Variants in C1QTNF1 observed in about 807,000 individuals in gnomAD.
C1QTNF1 encodes C1q and TNF related 1, also known as complement C1q tumor necrosis factor-related protein 1.
C1QTNF1 carries 22 observed loss-of-function variants against 27.8 expected under a neutral mutation model. The observed-to-expected ratio is 0.79, with a 90% CI of 0.56 to 1.13. The LOEUF (loss-of-function observed/expected upper bound fraction) is 1.13. C1QTNF1 is among the 50% of genes most tolerant of loss of function. The pLI is 0.00. For missense variants in C1QTNF1, 373 were observed against 380.2 expected (o/e 0.98, Z 0.16); for synonymous variants, 166 against 154.3 (o/e 1.08, Z -0.56).
Position 79,047,618 on chromosome 17 carries a change from G to A in C1QTNF1, c.376G>A (p.Gly126Arg). The change falls in exon 4 of 4, where the codon GGA (glycine) becomes AGA (arginine). Residue 126 changes from glycine (G) to arginine (R), a missense_variant. By Grantham distance (125) the Gly-to-Arg change is moderately radical. Transcript: ENST00000579760. ...TGSAGARGHTGPKGQKGSMGA... is the reference protein window; with the variant it reads ...TGSAGARGHTRPKGQKGSMGA... ...CTCAGCAGGGGCCAGGGGCCACACTGGACCCAAAGGGCAGAAGGGCTCCAT... is the reference window on the plus strand; with the variant it reads ...CTCAGCAGGGGCCAGGGGCCACACTAGACCCAAAGGGCAGAAGGGCTCCAT... 6.3e-7 allele frequency: 1 copy of A among 1,588,600 alleles called. No homozygotes were observed.
Position 79,047,836 on chromosome 17 carries a change from C to T in C1QTNF1, c.594C>T (p.Asn198=), listed in dbSNP as rs763300841. ...YVPGLYFFSL[N]VHTWNQKETY... ...CCGGCCTCTACTTCTTCAGCCTCAA[C>T]GTGCACACCTGGAACCAGAAGGAGA... Residue 198 remains asparagine, a synonymous_variant, in exon 4 of 4, where the codon AAC becomes AAT. Transcript: ENST00000579760. The T allele has an allele frequency of 4.3e-6, 7 of 1,614,100 alleles. No homozygotes were observed. Among genetic ancestry groups the T allele is most frequent in the South Asian group, 3.3e-5 (3 of 91,096 alleles).
upstream of C1QTNF1, among the ~76,000 whole-genome samples, chr17:79,023,366 A>T (rs1379155632): frequency 6.6e-6 from 1 of 152,212 alleles, no homozygotes; most frequent in African/African-American, 2.4e-5. Context: ...AGCTGGGCTG[A>T]CGCAGAGTCT....
intron 2 of C1QTNF1, among the ~76,000 whole-genome samples, chr17:79,044,694 G>A (rs2072521375): frequency 6.6e-6 from 1 of 152,204 alleles, no homozygotes; most frequent in African/African-American, 2.4e-5. Context: ...AGAGACTCCA[G>A]CCGACCTGGG....
chr17:79,029,203 C>T (rs1372355724), intron 1 of C1QTNF1, among the ~76,000 whole-genome samples: 1 of 152,174 alleles, frequency 6.6e-6, no homozygotes, highest in East Asian at 1.9e-4. Context: ...AATTGGTGGG[C>T]ACCGTAACCC....
At chr17:79,029,815 C>T (rs571632456) in intron 1 of C1QTNF1, among the ~76,000 whole-genome samples, 60 of 152,294 alleles carry the variant, frequency 3.9e-4, no homozygotes, top group African/African-American at 1.4e-3. Context: ...GGGCTCCCTA[C>T]CACCTGTGCT....
intron 1 of C1QTNF1, chr17:79,043,694 A>C (rs560441595): frequency 4.2e-5 from 25 of 590,264 alleles, no homozygotes; most frequent in South Asian, 3.4e-4. Context: ...GAGTGTGTGC[A>C]TGTGTGGGGG....
At position 79,046,140 on chromosome 17, in the gene C1QTNF1, G is replaced by A. The variant is rs543618068; in HGVS notation, c.156-415G>A. On this transcript the variant is annotated intron_variant, in intron 2 of 3. Transcript: ENST00000579760. This position sits in a 1 kb window ranked among gnomAD's most constrained non-coding sequence, Gnocchi z 4.8. ...GTCTCTCCAGCGGCTACAGCTGAGG[G>A]GAATCCTAAAGATCCAGTTGAACCT... Among the ~76,000 whole-genome samples the A allele has an allele frequency of 1.3e-5, 2 of 152,318 alleles. No individual in the cohort carries two copies. Among genetic ancestry groups the A allele is most frequent in the South Asian group, 2.1e-4 (1 of 4,832 alleles).
chr17:79,036,924 A>G (rs2072276179), intron 1 of C1QTNF1, among the ~76,000 whole-genome samples: 1 of 152,214 alleles, frequency 6.6e-6, no homozygotes, highest in Admixed American at 6.5e-5. Context: ...GATGAGGATT[A>G]AAGAAAAAGG....
At chr17:79,037,376 G>T (rs537891363) in intron 1 of C1QTNF1, among the ~76,000 whole-genome samples, 11 of 151,922 alleles carry the variant, frequency 7.2e-5, no homozygotes, top group Admixed American at 7.2e-4. Context: ...TGATCCACCC[G>T]CCTCGGCCTC....
At position 79,026,717 on chromosome 17, in the gene C1QTNF1, C is replaced by T. The variant is rs150035552; in HGVS notation, c.-15+2223C>T. Among the ~76,000 whole-genome samples the T allele has an allele frequency of 2.9e-3, 448 of 152,228 alleles. 2 individuals carry two copies. Among genetic ancestry groups the T allele is most frequent in the African/African-American group, 9.4e-3 (390 of 41,542 alleles). The stretch of plus-strand genomic sequence containing the variant: ...CAGGAAGCCCTAGGTGGGCGCTGTG[C>T]GGCTACAGGACACCACTGCCCCTCC... On this transcript the variant is annotated intron_variant, in intron 1 of 3. Transcript: ENST00000579760.
chr17:79,044,095 C>T lies in C1QTNF1; in HGVS notation c.127C>T (p.Leu43=). ...GCAGGAGTGGGAGGGGACTGAGGAG[C>T]TGCCGTCGCCTCCGGACCATGCCGA... ...EQQEWEGTEE[L]PSPPDHAERA... is the part of the protein sequence containing the mutation. Residue 43 remains leucine (L), a synonymous_variant, in exon 2 of 4, where the codon CTG becomes TTG. Coordinates refer to ENST00000579760, the MANE Select transcript of C1QTNF1 (RefSeq NM_030968.5). 1.9e-6 allele frequency: 3 copies of T among 1,613,430 alleles called. No individual in the cohort carries two copies. The highest frequency in any genetic ancestry group is 2.5e-6 in the Non-Finnish European group (3 of 1,179,760).
chr17:79,029,873 T>G (rs1471374845), intron 1 of C1QTNF1, among the ~76,000 whole-genome samples: 1 of 152,210 alleles, frequency 6.6e-6, no homozygotes, highest in Non-Finnish European at 1.5e-5. Flanking sequence ...GGGACTCTAC[T>G]GCCCAAGGGA....
chr17:79,047,988 G>C lies in C1QTNF1; in HGVS notation c.746G>C (p.Arg249Pro), dbSNP rs113589829. ...ELREQDQVWV[R>P]LYKGERENAI... ...CGAGAGCAGGACCAGGTGTGGGTAC[G>C]CCTCTACAAGGGCGAACGTGAGAAC... The change falls in exon 4 of 4, where the codon CGC (arginine) becomes CCC (proline). Residue 249 changes from arginine (R) to proline (P), a missense_variant. Physicochemically the swap from Arg to Pro is moderately radical, Grantham distance 103. Coordinates refer to ENST00000579760, the MANE Select transcript of C1QTNF1 (RefSeq NM_030968.5). 6.2e-7 allele frequency: 1 copy of C among 1,613,074 alleles called. No homozygotes were observed.
chr17:79,048,112 T>A lies in C1QTNF1; in HGVS notation c.*24T>A. ...AGCTGGCCGGCCACCTCCTTTCCTC[T>A]CGCCACCTTCCACCCCTGCGCTGTG... On this transcript the variant is annotated 3_prime_UTR_variant, in exon 4 of 4. Transcript: ENST00000579760. 6.6e-7 allele frequency: 1 copy of A among 1,526,394 alleles called. No homozygotes were observed. The highest frequency in any genetic ancestry group is 1.3e-5 in the South Asian group (1 of 78,970). The allele number at this position is 1,526,394 out of a possible 1,614,324, so 94.6% of individuals were successfully genotyped here. A position where few individuals can be genotyped will look rare whatever the true frequency, so the allele number is the denominator to read the frequency against.
chr17:79,046,005 C>A lies in C1QTNF1; in HGVS notation c.156-550C>A, dbSNP rs977513301. ...TCTACAGCCTGGGCAAGAAGAGCCA[C>A]AAGCCAGAGCACATGTGATGCCATG... On this transcript the variant is annotated intron_variant, in intron 2 of 3. Transcript: ENST00000579760. The surrounding 1 kb of genome is among the most constrained non-coding windows in gnomAD (Gnocchi z 4.8). Among the ~76,000 whole-genome samples the A allele has an allele frequency of 6.6e-6, 1 of 152,128 alleles. No individual in the cohort carries two copies. Among genetic ancestry groups the A allele is most frequent in the South Asian group, 2.1e-4 (1 of 4,826 alleles).
Position 79,044,102 on chromosome 17 carries a change from C to G in C1QTNF1, c.134C>G (p.Ser45Trp). 1 of 1,611,472 alleles carries G rather than the reference C, an allele frequency of 6.2e-7. No homozygotes were observed. Among genetic ancestry groups the G allele is most frequent in the Non-Finnish European group, 8.5e-7 (1 of 1,178,406 alleles). Reference sequence around the variant, plus strand: ...TGGGAGGGGACTGAGGAGCTGCCGTCGCCTCCGGACCATGCCGAGAGGTGA... The same window carrying G: ...TGGGAGGGGACTGAGGAGCTGCCGTGGCCTCCGGACCATGCCGAGAGGTGA... ...QEWEGTEELP[S>W]PPDHAERAEE... The change falls in exon 2 of 4, where the codon TCG (serine) becomes TGG (tryptophan). Residue 45 changes from serine to tryptophan, a missense_variant. Transcript: ENST00000579760.
intron 1 of C1QTNF1, among the ~76,000 whole-genome samples, chr17:79,029,397 C>G (rs1225766168): frequency 6.6e-6 from 1 of 152,192 alleles, no homozygotes. Context: ...GCGGCTCCAT[C>G]GCTCTGAGGC....
chr17:79,028,844 A>G (rs1189120065), intron 1 of C1QTNF1, among the ~76,000 whole-genome samples: 4 of 152,078 alleles, frequency 2.6e-5, no homozygotes, highest in Non-Finnish European at 5.9e-5. Flanking sequence ...AAAAATGCAC[A>G]TCCGATGGGC....
intron 1 of C1QTNF1, among the ~76,000 whole-genome samples, chr17:79,032,855 G>A (rs934903282): frequency 2.2e-4 from 34 of 152,012 alleles, no homozygotes; most frequent in Admixed American, 7.9e-4. Flanking sequence ...TCGCTTTGAG[G>A]TTAGGAGTTC....
Sources: allele counts gnomAD v4.1 joint callset (sites outside exome capture counted in the v4.1 genomes callset), GRCh38; gene constraint gnomAD v4.1.1; non-coding constraint Gnocchi (gnomAD v3.1); transcripts MANE v1.5; gene names NCBI Gene and HGNC (gene_info 2026-07-23, HGNC 2026-07-21).